Variants in SOS2 observed in about 807,000 individuals in gnomAD.
SOS2 encodes the protein son of sevenless homolog 2.
Under a neutral mutation model 148.2 loss-of-function variants are expected in SOS2, and 65 were observed. That is an observed-to-expected ratio of 0.44 (90% CI 0.36 to 0.54). The LOEUF is 0.54. Among genes scored for constraint, SOS2 ranks in the 20% least tolerant of loss-of-function variants. The pLI is 0.00. For synonymous variants in SOS2, 539 were observed against 537.1 expected, an observed-to-expected ratio of 1.00 and a Z score of -0.05; for missense variants, 1,341 against 1,590.2, an observed-to-expected ratio of 0.84 and a Z score of 2.67.
At chr14:50,120,505 A>G in intron 21 of SOS2, 121 bp from the exon 22 acceptor site, 1 of 619,186 alleles carries the variant, frequency 1.6e-6, no homozygotes, top group Non-Finnish European at 2.8e-6. Flanking sequence ...TGGTTTATCT[A>G]TCTTCCCCCA....
At chr14:50,208,354 C>T (rs1886745493) in intron 1 of SOS2, among the ~76,000 whole-genome samples, 1 of 151,622 alleles carries the variant, frequency 6.6e-6, no homozygotes, top group South Asian at 2.1e-4. Flanking sequence ...AGGATGTATA[C>T]TAAAAAGCTA....
intron 22 of SOS2, among the ~76,000 whole-genome samples, 192 bp downstream of exon 22, chr14:50,120,083 G>A (rs1029832395): frequency 1.3e-5 from 2 of 152,072 alleles, no homozygotes; most frequent in Non-Finnish European, 2.9e-5. Flanking sequence ...CACTGCGCCC[G>A]GCCCAGCCTC....
intron 7 of SOS2, among the ~76,000 whole-genome samples, 173 bp downstream of exon 7, chr14:50,180,399 A>G (rs1369290194): frequency 6.7e-6 from 1 of 149,390 alleles, no homozygotes; most frequent in African/African-American, 2.5e-5. Context: ...TACAATAAGA[A>G]CAGACAGAAC....
At chr14:50,203,925 G>A (rs1042142203) in intron 2 of SOS2, among the ~76,000 whole-genome samples, 2 of 151,310 alleles carry the variant, frequency 1.3e-5, no homozygotes, top group Non-Finnish European at 2.9e-5. Flanking sequence ...TAAAAAATAT[G>A]TGCCTAAACC....
At chr14:50,174,869 A>C (rs1470632851) in intron 7 of SOS2, among the ~76,000 whole-genome samples, 1 of 152,248 alleles carries the variant, frequency 6.6e-6, no homozygotes, top group Non-Finnish European at 1.5e-5. Flanking sequence ...TCTCCTGCAC[A>C]ATTTTAAAAT....
chr14:50,159,967 C>T lies in SOS2; in HGVS notation c.1316G>A (p.Cys439Tyr), dbSNP rs1476623779. The T allele has an allele frequency of 1.2e-6, 2 of 1,614,104 alleles. No homozygotes were observed. Among genetic ancestry groups the T allele is most frequent in the Admixed American group, 1.7e-5 (1 of 60,008 alleles). The change falls in exon 10 of 23, where the codon TGT becomes TAT. Residue 439 changes from cysteine (C) to tyrosine (Y), a missense_variant. Cys to Tyr is a radical substitution (Grantham distance 194, BLOSUM62 -2). Around this residue, in one of 4 missense-constraint regions of SOS2, gnomAD observed 574 missense variants for 711.1 expected, o/e 0.81. Transcript: ENST00000216373. Reference sequence around the variant, plus strand: ...TGGTCCCTCCATAATGAATTCATTACAACACTGTCCAATATCTTTGCCTTC... The same window carrying T: ...TGGTCCCTCCATAATGAATTCATTATAACACTGTCCAATATCTTTGCCTTC... ...GWEGKDIGQC[C>Y]NEFIMEGPLT... is the part of the protein sequence containing the mutation.
At chr14:50,160,642 C>T (rs996754360) in intron 9 of SOS2, among the ~76,000 whole-genome samples, 6 of 152,016 alleles carry the variant, frequency 3.9e-5, no homozygotes, top group Non-Finnish European at 7.4e-5. Flanking sequence ...CCACCTTGGA[C>T]TCCCGAAGTG....
chr14:50,195,425 GA>G (rs1245827897), intron 4 of SOS2, among the ~76,000 whole-genome samples: 1 of 151,940 alleles, frequency 6.6e-6, no homozygotes. Flanking sequence ...GAAGATTTAG[GA>G]CATGGAAAAA....
chr14:50,122,759 C>CTACA (rs1883558589), intron 21 of SOS2, among the ~76,000 whole-genome samples: 2 of 152,236 alleles, frequency 1.3e-5, no homozygotes, highest in African/African-American at 4.8e-5. Context: ...CCCTACAAGA[C>CTACA]TACAGTCTTT....
In SOS2 at chr14:50,203,835, C is replaced by G. The variant is rs74050731; in HGVS notation, c.213+449G>C. On this transcript the variant is annotated intron_variant, in intron 2 of 22. Coordinates refer to ENST00000216373, the MANE Select transcript of SOS2 (RefSeq NM_006939.4). Reference sequence around the variant, plus strand: ...TTTTGAGACGGTCTCCCGCCTCAGCCAAAGTACTGGGATTACAGGTGTGAG... The same window carrying G: ...TTTTGAGACGGTCTCCCGCCTCAGCGAAAGTACTGGGATTACAGGTGTGAG... Among the ~76,000 whole-genome samples, 726 of 151,290 alleles carry G rather than the reference C, an allele frequency of 4.8e-3. 5 individuals carry two copies. The highest frequency in any genetic ancestry group is 0.016 in the African/African-American group (666 of 41,240).
At chr14:50,175,974 A>G (rs537607027) in intron 7 of SOS2, among the ~76,000 whole-genome samples, 1 of 152,354 alleles carries the variant, frequency 6.6e-6, no homozygotes, top group African/African-American at 2.4e-5. Context: ...TCATTTTCAC[A>G]TTTGTTATGA....
chr14:50,229,448 C>A, intron 1 of SOS2, among the ~76,000 whole-genome samples: 1 of 150,768 alleles, frequency 6.6e-6, no homozygotes, highest in Non-Finnish European at 1.5e-5. Context: ...AAAGTAATAG[C>A]ACCAAAGCAA....
chr14:50,208,538 C>G (rs1886752135), intron 1 of SOS2, among the ~76,000 whole-genome samples: 1 of 151,970 alleles, frequency 6.6e-6, no homozygotes, highest in Non-Finnish European at 1.5e-5. Context: ...GTCCCAGCTA[C>G]TCGGGAGGCT....
At chr14:50,137,403 A>G (rs775104070) in intron 18 of SOS2, among the ~76,000 whole-genome samples, 4 of 152,186 alleles carry the variant, frequency 2.6e-5, no homozygotes, top group Non-Finnish European at 4.4e-5. Context: ...AAATCTAGAA[A>G]TGAATTTTCT....
chr14:50,195,807 G>A (rs912163384), intron 4 of SOS2, among the ~76,000 whole-genome samples: 1 of 151,964 alleles, frequency 6.6e-6, no homozygotes, highest in African/African-American at 2.4e-5. Context: ...GAGGCAGGCA[G>A]ATCACAAGGT....
At chr14:50,193,478 T>G (rs1287043704) in intron 4 of SOS2, among the ~76,000 whole-genome samples, 1 of 152,204 alleles carries the variant, frequency 6.6e-6, no homozygotes, top group Non-Finnish European at 1.5e-5. Flanking sequence ...CATCTAATTC[T>G]CAGCAATCTT....
chr14:50,127,464 G>T (rs1883721596), intron 21 of SOS2, among the ~76,000 whole-genome samples: 1 of 152,056 alleles, frequency 6.6e-6, no homozygotes, highest in South Asian at 2.1e-4. Flanking sequence ...TTATAACAAA[G>T]CTCCTTGCCC....
chr14:50,182,708 ATGGAATAGCCC>A lies in SOS2; in HGVS notation c.715-113_715-103del. ...ATAGGCTACTCGAGGCAGACTGCCTATGGAATAGCCCTGCTCCACAAGAAACAGTACTTTTG... is the reference window on the plus strand; with the variant it reads ...ATAGGCTACTCGAGGCAGACTGCCTATGCTCCACAAGAAACAGTACTTTTG... On this transcript the variant is annotated intron_variant, in intron 5 of 22. Coordinates refer to ENST00000216373, the MANE Select transcript of SOS2 (RefSeq NM_006939.4). 3 of 844,794 alleles carry A rather than the reference ATGGAATAGCCC, an allele frequency of 3.6e-6. No homozygotes were observed. The South Asian group carries it at 5.0e-5, about 14-fold the overall frequency. 52.3% of individuals were successfully genotyped at this position (844,794 alleles called of 1,614,324 possible).
Position 50,182,623 on chromosome 14 carries a change from A to T in SOS2, c.715-17T>A, listed in dbSNP as rs528543629. ...TTCGATATCCTGAAAAAAGAGAAGG[A>T]AGGTTAAGAAATGTGAGATTGAGAA... On this transcript the variant is annotated splice_polypyrimidine_tract_variant and intron_variant, in intron 5 of 22. Transcript: ENST00000216373. 2 of 1,586,646 alleles carry T rather than the reference A, an allele frequency of 1.3e-6. No individual in the cohort carries two copies. Among genetic ancestry groups the T allele is most frequent in the African/African-American group, 1.3e-5 (1 of 74,114 alleles).
Sources: gnomAD v4.1 joint callset for allele counts (sites outside exome capture counted in the v4.1 genomes callset) on GRCh38, gnomAD v4.1.1 for gene constraint, gnomAD v4.1.1 regional missense constraint, MANE v1.5 for transcripts, NCBI Gene and HGNC (gene_info 2026-07-23, HGNC 2026-07-21) for gene names.